MAML2: variants seen among roughly 807,000 people sequenced by gnomAD.
MAML2 encodes the protein mastermind-like protein 2.
A neutral mutation model predicts 96.1 loss-of-function variants in MAML2; 22 were observed. The observed-to-expected ratio is 0.23, with a 90% CI of 0.16 to 0.33. The LOEUF is 0.33. MAML2 is among the 10% of genes least tolerant of loss of function. MAML2 has a pLI of 1.00. For missense variants in MAML2, 1,367 were observed against 1,392.4 expected, an observed-to-expected ratio of 0.98 and a Z score of 0.29; for synonymous variants, 561 against 521.3, an observed-to-expected ratio of 1.08 and a Z score of -1.04.
chr11:96,252,755 G>A (rs1456645243), intron 1 of MAML2, among the ~76,000 whole-genome samples: 1 of 152,154 alleles, frequency 6.6e-6, no homozygotes. Context: ...GTCATATCAG[G>A]TGTAAACAGC....
chr11:96,123,440 G>C (rs1565222027), intron 1 of MAML2, among the ~76,000 whole-genome samples: 1 of 152,140 alleles, frequency 6.6e-6, no homozygotes, highest in Non-Finnish European at 1.5e-5. Context: ...AATGCTTGTT[G>C]AATAAAGGGG....
chr11:95,979,637 C>A lies in MAML2; in HGVS notation c.2782G>T (p.Gly928Ter). ...AATTGTTGTGAATTACCAACAGATC[C>A]AGCTCCAAAAGTGGCTACATTGTTA... is the stretch of plus-strand genomic sequence containing the variant. ...NNNNVATFGA[G>*]SVGNSQQLRP... The change falls in exon 5 of 5, where the codon GGA becomes TGA. Residue 928 changes from glycine (G) to a stop codon, truncating the protein, a stop_gained. Transcript: ENST00000524717. LOFTEE classifies it low-confidence loss of function (END_TRUNC). The A allele has an allele frequency of 6.2e-7, 1 of 1,613,914 alleles. No homozygotes were observed. The highest frequency in any genetic ancestry group is 8.5e-7 in the Non-Finnish European group (1 of 1,179,866).
intron 1 of MAML2, among the ~76,000 whole-genome samples, chr11:96,207,901 C>CT (rs529099094): frequency 6.6e-6 from 1 of 152,086 alleles, no homozygotes; most frequent in African/African-American, 2.4e-5. Context: ...CAACAAAGAA[C>CT]TTTTTTTTAA....
At chr11:96,203,512 T>G (rs1372949080) in intron 1 of MAML2, among the ~76,000 whole-genome samples, 2 of 152,192 alleles carry the variant, frequency 1.3e-5, no homozygotes, top group African/African-American at 4.8e-5. Flanking sequence ...TTTATTTAGT[T>G]TTTTTAGATA....
At chr11:96,259,993 T>C (rs1221421230) in intron 1 of MAML2, among the ~76,000 whole-genome samples, 1 of 152,154 alleles carries the variant, frequency 6.6e-6, no homozygotes, top group Non-Finnish European at 1.5e-5. Flanking sequence ...TTAATCATTA[T>C]TCTTTCAAAC....
Position 96,161,342 on chromosome 11 carries a change from T to G in MAML2, c.514-67825A>C, listed in dbSNP as rs578043333. Among the ~76,000 whole-genome samples the G allele has an allele frequency of 2.6e-5, 4 of 152,370 alleles. No individual in the cohort carries two copies. The South Asian group carries it at 8.3e-4, about 32-fold the overall frequency. ...TTCCTTTAGAATGTATTTTTCTATT[T>G]GTATGTCTATTACCTCATCTCATAA... On this transcript the variant is annotated intron_variant, in intron 1 of 4. Coordinates refer to ENST00000524717, the MANE Select transcript of MAML2 (RefSeq NM_032427.4).
chr11:96,202,177 CAAAAAAAAAAAAAA>C (rs35124521), intron 1 of MAML2, among the ~76,000 whole-genome samples: 1 of 75,872 alleles, frequency 1.3e-5, no homozygotes. Context: ...ACTAAAAATA[CAAAAAAAAAAAAAA>C]AAAAAAAAAA....
chr11:96,027,730 A>AC (rs1375616826), intron 2 of MAML2, among the ~76,000 whole-genome samples: 5 of 151,914 alleles, frequency 3.3e-5, no homozygotes, highest in African/African-American at 1.2e-4. Context: ...ATTTTATTTT[A>AC]TTGTTTTATT....
Position 95,976,662 on chromosome 11 carries a change from C to T in MAML2, c.*2286G>A, listed in dbSNP as rs1351528974. ...AAATAGACATTAATTATGAAATTCACATTAAGATAGAAGAAAATCCAAACA... is the reference window on the plus strand; with the variant it reads ...AAATAGACATTAATTATGAAATTCATATTAAGATAGAAGAAAATCCAAACA... On this transcript the variant is annotated 3_prime_UTR_variant, in exon 5 of 5. Coordinates refer to ENST00000524717, the MANE Select transcript of MAML2 (RefSeq NM_032427.4). 12 of 176,152 alleles carry T rather than the reference C, an allele frequency of 6.8e-5. No homozygotes were observed. In the Admixed American group the frequency reaches 7.6e-4, roughly 11 times the overall value. 10.9% of individuals were successfully genotyped at this position (176,152 alleles called of 1,614,324 possible).
chr11:96,023,869 T>C (rs1194048961), intron 2 of MAML2, among the ~76,000 whole-genome samples: 1 of 152,156 alleles, frequency 6.6e-6, no homozygotes, highest in Non-Finnish European at 1.5e-5. Flanking sequence ...ATGAGCTGCT[T>C]CTATCAAGAG....
chr11:96,068,586 T>A (rs1859283430), intron 2 of MAML2, among the ~76,000 whole-genome samples: 1 of 152,068 alleles, frequency 6.6e-6, no homozygotes, highest in African/African-American at 2.4e-5. Context: ...TTTAGCACTT[T>A]GGGAGGCCAA....
intron 1 of MAML2, among the ~76,000 whole-genome samples, chr11:96,243,934 C>T (rs1591092317): frequency 6.6e-6 from 1 of 152,182 alleles, no homozygotes; most frequent in African/African-American, 2.4e-5. Flanking sequence ...AGCCACCGCG[C>T]CCGGCCCAGT....
At chr11:96,120,536 G>A (rs78562417) in intron 1 of MAML2, among the ~76,000 whole-genome samples, 3,821 of 152,256 alleles carry the variant, frequency 0.025, 88 homozygotes, top group Non-Finnish European at 0.03. Context: ...TTGTTAGTAA[G>A]TCTACCTCCC....
intron 1 of MAML2, among the ~76,000 whole-genome samples, chr11:96,124,669 A>G (rs1188638432): frequency 1.3e-5 from 2 of 152,088 alleles, no homozygotes; most frequent in Non-Finnish European, 2.9e-5. Context: ...GATTTTGTCT[A>G]TTTAAACACA....
At chr11:96,106,993 TGACCAGTGTA>T (rs1860034221) in intron 1 of MAML2, among the ~76,000 whole-genome samples, 10 of 147,288 alleles carry the variant, frequency 6.8e-5, no homozygotes, top group South Asian at 2.2e-4. Flanking sequence ...TTTTTTTTTT[TGACCAGTGTA>T]TTTTCTTCAC....
chr11:96,288,971 G>C (rs1309621778), intron 1 of MAML2, among the ~76,000 whole-genome samples: 2 of 152,094 alleles, frequency 1.3e-5, no homozygotes, highest in Non-Finnish European at 2.9e-5. Flanking sequence ...CAATTACATG[G>C]CTATCGCAGT....
intron 1 of MAML2, among the ~76,000 whole-genome samples, chr11:96,279,706 C>T (rs1863039681): frequency 6.6e-6 from 1 of 152,206 alleles, no homozygotes; most frequent in Non-Finnish European, 1.5e-5. Context: ...TGTGTCCTTG[C>T]TAACCTACAG....
At chr11:96,315,160 G>A (rs918506279) in intron 1 of MAML2, among the ~76,000 whole-genome samples, 17 of 152,162 alleles carry the variant, frequency 1.1e-4, no homozygotes, top group Admixed American at 3.9e-4. Context: ...GCCTTCCAGG[G>A]GATACTTGAC....
At chr11:96,191,628 C>T (rs1022515524) in intron 1 of MAML2, among the ~76,000 whole-genome samples, 6 of 151,080 alleles carry the variant, frequency 4.0e-5, no homozygotes, top group African/African-American at 7.3e-5. Flanking sequence ...AAAAATTAGC[C>T]GGGCATGGTG....
Sources: allele counts gnomAD v4.1 joint callset (sites outside exome capture counted in the v4.1 genomes callset), GRCh38; gene constraint gnomAD v4.1.1; transcripts MANE v1.5; gene names NCBI Gene and HGNC (gene_info 2026-07-23, HGNC 2026-07-21).